ST3GAL3: variants seen among roughly 807,000 people sequenced by gnomAD.
ST3GAL3 encodes CMP-N-acetylneuraminate-beta-1,4-galactoside alpha-2,3-sialyltransferase.
In ST3GAL3, 21 loss-of-function variants were observed where a neutral mutation model predicts 50.1. The observed-to-expected ratio is 0.42, with a 90% CI of 0.30 to 0.60. ST3GAL3 has a LOEUF of 0.60. Ranked by LOEUF, ST3GAL3 falls within the 20% of genes least tolerant of loss-of-function variation. ST3GAL3 has a pLI of 0.19. For missense variants in ST3GAL3, 353 were observed against 489.4 expected, an observed-to-expected ratio of 0.72 and a Z score of 2.63; for synonymous variants, 183 against 190.0, an observed-to-expected ratio of 0.96 and a Z score of 0.30.
chr1:43,916,713 G>T (rs1214914692), intron 9 of ST3GAL3: 1 of 152,124 alleles, frequency 6.6e-6, no homozygotes, highest in East Asian at 1.9e-4. Flanking sequence ...CCCCCGAGTG[G>T]CTGGGACCAC....
chr1:43,824,613 G>T, intron 4 of ST3GAL3: 2 of 1,207,598 alleles, frequency 1.7e-6, no homozygotes, highest in Middle Eastern at 2.6e-4. Flanking sequence ...GCAGGATTTG[G>T]CTAGGTTCTT....
At chr1:43,851,195 T>A in intron 5 of ST3GAL3, 3 of 1,451,352 alleles carry the variant, frequency 2.1e-6, no homozygotes, top group Non-Finnish European at 2.9e-6. Context: ...CTGGTCATAG[T>A]TGATGTAGCC....
Position 43,920,946 on chromosome 1 carries a change from G to T in ST3GAL3, c.1038+18G>T. On this transcript the variant is annotated intron_variant, in intron 11 of 11. Transcript: ENST00000347631. ...TCAAAGAGGTTCGGGGCTGGGTATGGGGGCAATCCCTGGGTGGGGATGAGG... is the reference window on the plus strand; with the variant it reads ...TCAAAGAGGTTCGGGGCTGGGTATGTGGGCAATCCCTGGGTGGGGATGAGG... 1 of 1,593,936 alleles carries T rather than the reference G, an allele frequency of 6.3e-7. No individual in the cohort carries two copies. Among genetic ancestry groups the T allele is most frequent in the Non-Finnish European group, 8.5e-7 (1 of 1,169,636 alleles).
At position 43,708,662 on chromosome 1, in the gene ST3GAL3, AAAT is replaced by A. The variant is rs199976394; in HGVS notation, c.-31+973_-31+975del. On this transcript the variant is annotated intron_variant, in intron 1 of 11. Coordinates refer to ENST00000347631, the MANE Select transcript of ST3GAL3 (RefSeq NM_006279.5). Reference sequence around the variant, plus strand: ...AAATTTATAGCCAAATGATACTTTCAAATAATCTCTTAAGGCAATACAGCTCCT... The same window carrying A: ...AAATTTATAGCCAAATGATACTTTCAAATCTCTTAAGGCAATACAGCTCCT... Among the ~76,000 whole-genome samples the A allele has an allele frequency of 4.8e-3, 724 of 152,372 alleles. 6 individuals carry two copies. The highest frequency in any genetic ancestry group is 0.017 in the African/African-American group (691 of 41,582).
intron 4 of ST3GAL3, among the ~76,000 whole-genome samples, chr1:43,817,849 TCTCCTCCTCCTCCTCTTC>T (rs1358346285): frequency 2.4e-4 from 26 of 107,344 alleles, no homozygotes; most frequent in Admixed American, 7.8e-4. Flanking sequence ...TTCTTCTCCT[TCTCCTCCTCCTCCTCTTC>T]CTCCTCCTCC....
intron 11 of ST3GAL3, among the ~76,000 whole-genome samples, chr1:43,927,373 AAAGAT>A (rs1452961956): frequency 2.6e-4 from 40 of 152,304 alleles, no homozygotes; most frequent in African/African-American, 9.4e-4. Flanking sequence ...ATTTTCTCTA[AAAGAT>A]AAGGACTATT....
intron 1 of ST3GAL3, among the ~76,000 whole-genome samples, chr1:43,726,586 C>CTA (rs1673016030): frequency 6.6e-6 from 1 of 151,840 alleles, no homozygotes; most frequent in Non-Finnish European, 1.5e-5. Flanking sequence ...TGTGCCTGGC[C>CTA]TATATCCCAT....
chr1:43,708,463 A>C (rs1557941125), intron 1 of ST3GAL3, among the ~76,000 whole-genome samples: 1 of 152,224 alleles, frequency 6.6e-6, no homozygotes, highest in Non-Finnish European at 1.5e-5. Flanking sequence ...TGTACTGTGA[A>C]TTATAGATAG....
At chr1:43,923,321 C>T (rs890215904) in intron 11 of ST3GAL3, among the ~76,000 whole-genome samples, 3 of 151,162 alleles carry the variant, frequency 2.0e-5, no homozygotes, top group African/African-American at 4.9e-5. Context: ...CTTCTCTTCT[C>T]ACTCTGCATG....
intron 5 of ST3GAL3, among the ~76,000 whole-genome samples, chr1:43,891,810 G>A (rs1440930657): frequency 6.6e-6 from 1 of 152,204 alleles, no homozygotes; most frequent in East Asian, 1.9e-4. Context: ...GTTAGTGAGA[G>A]AAAGTTTATA....
chr1:43,872,512 A>G (rs923477567), intron 5 of ST3GAL3, among the ~76,000 whole-genome samples: 2 of 151,950 alleles, frequency 1.3e-5, no homozygotes, highest in African/African-American at 4.8e-5. Flanking sequence ...GAGGTGAAGG[A>G]AACTGACAGT....
chr1:43,856,127 G>T (rs564750134), intron 5 of ST3GAL3, among the ~76,000 whole-genome samples: 4 of 152,308 alleles, frequency 2.6e-5, no homozygotes, highest in South Asian at 4.1e-4. Flanking sequence ...AAGCCACAGT[G>T]GGTCACTACT....
intron 2 of ST3GAL3, among the ~76,000 whole-genome samples, chr1:43,752,225 T>A (rs1165028539): frequency 6.6e-6 from 1 of 152,182 alleles, no homozygotes; most frequent in Non-Finnish European, 1.5e-5. Context: ...TATTTCCACA[T>A]TTTACAGGTA....
intron 2 of ST3GAL3, among the ~76,000 whole-genome samples, chr1:43,762,503 G>T (rs1428055363): frequency 2.6e-5 from 4 of 152,020 alleles, no homozygotes; most frequent in Non-Finnish European, 4.4e-5. Flanking sequence ...GCCTGGCAAA[G>T]AATTCAACTA....
chr1:43,709,689 T>A (rs1663594067), intron 1 of ST3GAL3, among the ~76,000 whole-genome samples: 1 of 150,834 alleles, frequency 6.6e-6, no homozygotes, highest in Non-Finnish European at 1.5e-5. Context: ...AAAAAAAAAA[T>A]ACAAAAAATT....
At chr1:43,815,204 AG>A (rs1459811680) in intron 4 of ST3GAL3, among the ~76,000 whole-genome samples, 1 of 152,198 alleles carries the variant, frequency 6.6e-6, no homozygotes, top group Non-Finnish European at 1.5e-5. Flanking sequence ...TTGAAGGACT[AG>A]GAGTCTCCTG....
chr1:43,731,323 T>C (rs1675680413), intron 1 of ST3GAL3, among the ~76,000 whole-genome samples: 1 of 151,500 alleles, frequency 6.6e-6, no homozygotes, highest in Non-Finnish European at 1.5e-5. Context: ...GCGATTCCCC[T>C]GCCTCAGCGT....
At chr1:43,820,295 A>G (rs1043350639) in intron 4 of ST3GAL3, among the ~76,000 whole-genome samples, 3 of 152,216 alleles carry the variant, frequency 2.0e-5, no homozygotes, top group Non-Finnish European at 4.4e-5. Context: ...TTTACCATAT[A>G]TAAAAATTAA....
chr1:43,894,287 C>G, intron 5 of ST3GAL3, 96 bp from the exon 6 acceptor site: 1 of 1,230,562 alleles, frequency 8.1e-7, no homozygotes. Flanking sequence ...GAGGGGGCTT[C>G]CAGCAGATCC....
Sources: gnomAD v4.1 joint callset for allele counts (sites outside exome capture counted in the v4.1 genomes callset) on GRCh38, gnomAD v4.1.1 for gene constraint, MANE v1.5 for transcripts, NCBI Gene and HGNC (gene_info 2026-07-23, HGNC 2026-07-21) for gene names.